The following ATF7IP variants were observed in gnomAD, a reference collection of about 807,000 sequenced individuals.
The protein encoded by ATF7IP is activating transcription factor 7 interacting protein.
ATF7IP carries 23 observed loss-of-function variants against 106.4 expected under a neutral mutation model. The observed-to-expected ratio is 0.22, with a 90% confidence interval of 0.16 to 0.31. ATF7IP has a LOEUF of 0.31. ATF7IP is among the 10% of genes least tolerant of loss of function. ATF7IP has a pLI of 1.00. For synonymous variants in ATF7IP, 542 were observed against 539.0 expected, an observed-to-expected ratio of 1.01 and a Z score of -0.08; for missense variants, 1,334 against 1,524.3, an observed-to-expected ratio of 0.88 and a Z score of 2.08.
chr12:14,393,964 G>T (rs897616014), intron 1 of ATF7IP, among the ~76,000 whole-genome samples: 1 of 152,116 alleles, frequency 6.6e-6, no homozygotes, highest in African/African-American at 2.4e-5. Flanking sequence ...AAAGAATGTG[G>T]CACAGACAGA....
At chr12:14,475,111 A>G (rs78872699) in intron 10 of ATF7IP, among the ~76,000 whole-genome samples, 2,103 of 152,308 alleles carry the variant, frequency 0.014, 64 homozygotes, top group African/African-American at 0.048. Context: ...ATCAAAGTAA[A>G]TTGTGATTAT....
chr12:14,424,452 C>T lies in ATF7IP; in HGVS notation c.537C>T (p.Ala179=). ...CTGGTGATGCAACCTCTGGTGATGC[C>T]CCTTCTGGTGATGTGTCCCCTGGTG... ...AASGDATSGD[A]PSGDVSPGDA... is the part of the protein sequence containing the mutation. The change falls in exon 2 of 15, where the codon GCC becomes GCT. Residue 179 remains alanine, a synonymous_variant. Transcript: ENST00000261168. The T allele has an allele frequency of 6.2e-7, 1 of 1,611,318 alleles. No individual in the cohort carries two copies. Among genetic ancestry groups the T allele is most frequent in the South Asian group, 1.1e-5 (1 of 90,600 alleles).
intron 1 of ATF7IP, among the ~76,000 whole-genome samples, chr12:14,420,607 C>T (rs553948891): frequency 1.6e-4 from 24 of 151,348 alleles, no homozygotes; most frequent in Non-Finnish European, 2.7e-4. Context: ...CCAGCCTGGG[C>T]GACAGAGCGA....
chr12:14,420,706 G>A (rs191426945), intron 1 of ATF7IP, among the ~76,000 whole-genome samples: 7 of 152,360 alleles, frequency 4.6e-5, no homozygotes, highest in African/African-American at 1.7e-4. Context: ...GGGTTGCACA[G>A]TGACCTTGTC....
chr12:14,481,521 T>C, intron 13 of ATF7IP: 1 of 396,124 alleles, frequency 2.5e-6, no homozygotes, highest in Non-Finnish European at 4.7e-6. Flanking sequence ...CATAAATATA[T>C]ATAATTTTTG....
chr12:14,432,599 C>T (rs921706302), intron 2 of ATF7IP, among the ~76,000 whole-genome samples: 14 of 152,148 alleles, frequency 9.2e-5, no homozygotes, highest in African/African-American at 3.4e-4. Context: ...AAAAATACTT[C>T]TAGCGCCTTA....
At chr12:14,489,874 G>A (rs1944751953) in intron 13 of ATF7IP, among the ~76,000 whole-genome samples, 1 of 152,198 alleles carries the variant, frequency 6.6e-6, no homozygotes, top group Non-Finnish European at 1.5e-5. Context: ...AGTCTTGGCA[G>A]AAGCATTGTG....
At chr12:14,422,491 T>C (rs1012864305) in intron 1 of ATF7IP, among the ~76,000 whole-genome samples, 24 of 152,308 alleles carry the variant, frequency 1.6e-4, no homozygotes, top group African/African-American at 5.1e-4. Flanking sequence ...ATCACCATAA[T>C]CAATGTTAGA....
chr12:14,484,112 G>A (rs1355532213), intron 13 of ATF7IP, among the ~76,000 whole-genome samples: 2 of 152,110 alleles, frequency 1.3e-5, no homozygotes, highest in African/African-American at 4.8e-5. Context: ...TGATCACCCC[G>A]AGGAATGGCG....
In ATF7IP at chr12:14,424,978, G is replaced by A. The variant is rs1273894970; in HGVS notation, c.1063G>A (p.Asp355Asn). ...TGCTAATGAAGAAACTCTAGAAACA[G>A]ATGATACAACTATTTGTTCAGATCG... ...IDANEETLET[D>N]DTTICSDRPP... Residue 355 changes from aspartate to asparagine, a missense_variant, in exon 2 of 15, where the codon GAT becomes AAT. Coordinates refer to ENST00000261168, the MANE Select transcript of ATF7IP (RefSeq NM_018179.5). 3.1e-6 allele frequency: 5 copies of A among 1,610,566 alleles called. No homozygotes were observed. The highest frequency in any genetic ancestry group is 4.2e-6 in the Non-Finnish European group (5 of 1,179,174).
In ATF7IP at chr12:14,412,170, C is replaced by T. The variant is rs1043278876; in HGVS notation, c.-7-11739C>T. 3.3e-5 allele frequency among the ~76,000 whole-genome samples: 5 copies of T among 152,260 alleles called. No individual in the cohort carries two copies. The South Asian group carries it at 1.0e-3, about 32-fold the overall frequency. On this transcript the variant is annotated intron_variant, in intron 1 of 14. Coordinates refer to ENST00000261168, the MANE Select transcript of ATF7IP (RefSeq NM_018179.5). ...CATTTTACTGGTAGTATCACACTGT[C>T]TAGGTTATTGTAGCTTTGTAATAAC...
intron 12 of ATF7IP, 70 bp from the exon 13 acceptor site, chr12:14,480,933 T>C (rs956894357): frequency 1.7e-5 from 23 of 1,345,764 alleles, no homozygotes; most frequent in Non-Finnish European, 2.1e-6. Flanking sequence ...CAAAGATAAC[T>C]GCCATTTAAT....
intron 11 of ATF7IP, chr12:14,476,256 T>A (rs1944259515): frequency 8.8e-6 from 2 of 226,938 alleles, no homozygotes; most frequent in Non-Finnish European, 1.7e-5. Context: ...TATAAAAAAT[T>A]TAAAAATTAG....
intron 1 of ATF7IP, among the ~76,000 whole-genome samples, chr12:14,377,600 C>T (rs191390732): frequency 7.1e-4 from 108 of 151,350 alleles, no homozygotes; most frequent in Non-Finnish European, 1.0e-3. Context: ...CGTGAGCCAC[C>T]GCGCCCGGCC....
chr12:14,390,082 T>C (rs1309884670), intron 1 of ATF7IP, among the ~76,000 whole-genome samples: 1 of 152,250 alleles, frequency 6.6e-6, no homozygotes, highest in African/African-American at 2.4e-5. Context: ...CTTGCCCACC[T>C]CTGGTCCTCT....
rs533643315 is a variant in ATF7IP at position 14,469,451 on chromosome 12, ACT to A, written c.2862+2864_2862+2865del. Among the ~76,000 whole-genome samples the A allele has an allele frequency of 1.2e-3, 185 of 151,494 alleles. 1 individual carries two copies. Among genetic ancestry groups the A allele is most frequent in the African/African-American group, 4.3e-3 (176 of 41,354 alleles). ...TAGCAAATGATGAAATATGTAAAAT[ACT>A]CTTTCTGTAGTTGTTAAATGAAGAT... is the stretch of plus-strand genomic sequence containing the variant. On this transcript the variant is annotated intron_variant, in intron 10 of 14. Transcript: ENST00000261168.
chr12:14,369,526 C>T (rs758623725), intron 1 of ATF7IP, among the ~76,000 whole-genome samples: 13 of 151,992 alleles, frequency 8.6e-5, no homozygotes, highest in African/African-American at 1.9e-4. Context: ...TTAGTAGAGA[C>T]GGGGTTTCCC....
chr12:14,483,977 A>C lies in ATF7IP; in HGVS notation c.3280+2792A>C, dbSNP rs372199885. 2.4e-3 allele frequency among the ~76,000 whole-genome samples: 372 copies of C among 152,258 alleles called. 2 individuals carry two copies. Among genetic ancestry groups the C allele is most frequent in the Middle Eastern group, 0.017 (5 of 294 alleles). On this transcript the variant is annotated intron_variant, in intron 13 of 14. Coordinates refer to ENST00000261168, the MANE Select transcript of ATF7IP (RefSeq NM_018179.5). ...AGTCCATGGATAATAGTCTTGGCAG[A>C]AGCATTGTGTGCAGCATAGGCAAAC...
chr12:14,492,813 G>T (rs1944872780), intron 13 of ATF7IP, among the ~76,000 whole-genome samples: 1 of 152,060 alleles, frequency 6.6e-6, no homozygotes, highest in Admixed American at 6.6e-5. Context: ...TTTAAATTTT[G>T]TAGTTGAGTG....
Sources: allele counts gnomAD v4.1 joint callset (sites outside exome capture counted in the v4.1 genomes callset), GRCh38; gene constraint gnomAD v4.1.1; transcripts MANE v1.5; gene names NCBI Gene and HGNC (gene_info 2026-07-23, HGNC 2026-07-21).